RSRC1: variants seen among roughly 807,000 people sequenced by gnomAD.
RSRC1 encodes arginine and serine rich coiled-coil 1.
In RSRC1, 39 loss-of-function variants were observed where a neutral mutation model predicts 49.1. That is an observed-to-expected ratio of 0.79 (90% confidence interval 0.61 to 1.04). The LOEUF (loss-of-function observed/expected upper bound fraction) is 1.04. RSRC1 is among the 50% of genes least tolerant of loss of function. The probability of loss-of-function intolerance (pLI) is 0.00; values close to 1 mark genes in which losing one functional copy is unlikely to be tolerated. For missense variants in RSRC1, 388 were observed against 402.4 expected (o/e 0.96, Z 0.31); for synonymous variants, 143 against 130.8 (o/e 1.09, Z -0.63).
intron 3 of RSRC1, among the ~76,000 whole-genome samples, chr3:158,166,843 T>C (rs1204892684): frequency 2.0e-5 from 3 of 152,210 alleles, no homozygotes; most frequent in African/African-American, 7.2e-5. Context: ...TTTGAACACA[T>C]ATTTTAAGAG....
At chr3:158,520,297 C>A (rs1417068283) in intron 7 of RSRC1, among the ~76,000 whole-genome samples, 1 of 152,116 alleles carries the variant, frequency 6.6e-6, no homozygotes, top group East Asian at 1.9e-4. Flanking sequence ...TCTGACTAGA[C>A]AGACACAAAG....
At chr3:158,513,240 T>C (rs1190911170) in intron 7 of RSRC1, among the ~76,000 whole-genome samples, 3 of 149,892 alleles carry the variant, frequency 2.0e-5, no homozygotes, top group Non-Finnish European at 3.0e-5. Context: ...CAGTATGATA[T>C]TGGCTGTGGG....
chr3:158,269,134 T>C (rs1450450605), intron 4 of RSRC1, among the ~76,000 whole-genome samples: 2 of 152,196 alleles, frequency 1.3e-5, no homozygotes, highest in African/African-American at 2.4e-5. Flanking sequence ...TTATTTTTTT[T>C]CTTGCTGAAT....
chr3:158,290,141 C>A (rs918946472), intron 4 of RSRC1, among the ~76,000 whole-genome samples: 10 of 152,072 alleles, frequency 6.6e-5, no homozygotes, highest in African/African-American at 2.4e-4. Context: ...TACTGAGTGA[C>A]TTCTATATTG....
rs574948056 is a variant in RSRC1, at chr3:158,527,240, C to G, written c.653-9852C>G. Among the ~76,000 whole-genome samples the G allele has an allele frequency of 3.3e-5, 5 of 151,904 alleles. No individual in the cohort carries two copies. The East Asian group carries it at 7.8e-4, about 24-fold the overall frequency. ...CATCAGCACTGCTAACATCTTCCAG[C>G]AAGTTTTAGTTCATTAATCTTAATG... On this transcript the variant is annotated intron_variant, in intron 7 of 9. Transcript: ENST00000611884.
At chr3:158,522,475 C>A (rs551726326) in intron 7 of RSRC1, among the ~76,000 whole-genome samples, 4 of 152,074 alleles carry the variant, frequency 2.6e-5, no homozygotes, top group Admixed American at 2.6e-4. Flanking sequence ...CCAGCTGTAC[C>A]CTACTTTCAT....
chr3:158,172,729 AT>A (rs1718947751), intron 3 of RSRC1, among the ~76,000 whole-genome samples: 1 of 152,074 alleles, frequency 6.6e-6, no homozygotes, highest in Non-Finnish European at 1.5e-5. Context: ...TACTTAATCT[AT>A]TTTTTAATAT....
At chr3:158,527,944 T>C (rs983241529) in intron 7 of RSRC1, among the ~76,000 whole-genome samples, 1 of 151,928 alleles carries the variant, frequency 6.6e-6, no homozygotes, top group African/African-American at 2.4e-5. Flanking sequence ...TATGAATTTG[T>C]GAGATTTTTT....
intron 4 of RSRC1, among the ~76,000 whole-genome samples, chr3:158,248,650 T>A (rs1578241854): frequency 6.6e-6 from 1 of 150,750 alleles, no homozygotes; most frequent in Non-Finnish European, 1.5e-5. Context: ...CAGGCTGGAG[T>A]GCAGTAATGT....
chr3:158,207,670 G>GAGAC (rs910169181), intron 4 of RSRC1, among the ~76,000 whole-genome samples: 6 of 67,160 alleles, frequency 8.9e-5, no homozygotes, highest in African/African-American at 4.7e-4. Flanking sequence ...GATAGACAGA[G>GAGAC]AGACAGACAG....
chr3:158,418,945 A>G (rs568463169), intron 6 of RSRC1, among the ~76,000 whole-genome samples: 2 of 152,024 alleles, frequency 1.3e-5, no homozygotes, highest in African/African-American at 2.4e-5. Flanking sequence ...AAACTATTCA[A>G]CGCTTCTGTT....
At chr3:158,287,291 A>G (rs908179178) in intron 4 of RSRC1, among the ~76,000 whole-genome samples, 19 of 152,180 alleles carry the variant, frequency 1.2e-4, no homozygotes, top group Admixed American at 8.5e-4. Context: ...TTAAAATTAC[A>G]TTTAGATTAT....
chr3:158,292,101 C>G (rs899334959), intron 4 of RSRC1, among the ~76,000 whole-genome samples: 1 of 152,178 alleles, frequency 6.6e-6, no homozygotes, highest in African/African-American at 2.4e-5. Flanking sequence ...CAACCTCAGT[C>G]TTGTCCCAGT....
intron 7 of RSRC1, among the ~76,000 whole-genome samples, chr3:158,494,599 C>G (rs977097268): frequency 2.0e-5 from 3 of 152,104 alleles, no homozygotes; most frequent in African/African-American, 7.2e-5. Flanking sequence ...CTTTTTAGCT[C>G]TTCTGCAATA....
intron 7 of RSRC1, among the ~76,000 whole-genome samples, chr3:158,470,592 T>G (rs1738094577): frequency 6.6e-6 from 1 of 152,052 alleles, no homozygotes; most frequent in African/African-American, 2.4e-5. Flanking sequence ...GGTGTAAAAT[T>G]AAGAAATTGA....
intron 3 of RSRC1, among the ~76,000 whole-genome samples, chr3:158,178,117 TTTTG>T (rs557421372): frequency 9.5e-4 from 145 of 152,268 alleles, no homozygotes; most frequent in African/African-American, 3.2e-3. Flanking sequence ...TGTTTTGTTT[TTTTG>T]TTTGTTTGTT....
chr3:158,344,757 T>G (rs1464899005), intron 5 of RSRC1, among the ~76,000 whole-genome samples: 1 of 152,112 alleles, frequency 6.6e-6, no homozygotes, highest in Admixed American at 6.5e-5. Flanking sequence ...ACAACAACAA[T>G]GTTTTGTGGA....
At chr3:158,200,905 A>G (rs1214763103) in intron 3 of RSRC1, among the ~76,000 whole-genome samples, 1 of 152,154 alleles carries the variant, frequency 6.6e-6, no homozygotes, top group Non-Finnish European at 1.5e-5. Context: ...TAAGGGAAAT[A>G]AGCAGTTTTT....
intron 4 of RSRC1, among the ~76,000 whole-genome samples, chr3:158,215,808 A>G (rs917735920): frequency 3.3e-5 from 5 of 151,834 alleles, no homozygotes; most frequent in African/African-American, 9.7e-5. Flanking sequence ...GGCAAAGTTT[A>G]TAGTTTTTGC....
Sources: gnomAD v4.1 joint callset for allele counts (sites outside exome capture counted in the v4.1 genomes callset) on GRCh38, gnomAD v4.1.1 for gene constraint, MANE v1.5 for transcripts, NCBI Gene and HGNC (gene_info 2026-07-23, HGNC 2026-07-21) for gene names.